Variants in RBFOX1 observed in about 807,000 individuals in gnomAD.
The protein encoded by RBFOX1 is RNA binding fox-1 homolog 1.
A neutral mutation model predicts 57.7 loss-of-function variants in RBFOX1; 8 were observed. That is an observed-to-expected ratio of 0.14 (90% CI 0.08 to 0.25). The LOEUF (loss-of-function observed/expected upper bound fraction) is 0.25. Ranked by LOEUF, RBFOX1 falls within the 10% of genes least tolerant of loss-of-function variation. The pLI is 1.00. For missense variants in RBFOX1, 611 were observed against 548.5 expected (o/e 1.11, Z -1.14); for synonymous variants, 326 against 222.4 (o/e 1.47, Z -4.15).
intron 2 of RBFOX1, among the ~76,000 whole-genome samples, chr16:6,469,688 T>C (rs548200488): frequency 4.6e-5 from 7 of 152,280 alleles, no homozygotes; most frequent in African/African-American, 1.7e-4. Context: ...TACCTCCTCA[T>C]GTTTTAGTTG....
At chr16:7,647,519 ATGTGAGTTAACT>A (rs1445202682) in intron 11 of RBFOX1, among the ~76,000 whole-genome samples, 1 of 150,572 alleles carries the variant, frequency 6.6e-6, no homozygotes, top group East Asian at 1.9e-4. Context: ...GTCTGCTTAC[ATGTGAGTTAACT>A]TGAAATTGAA....
chr16:7,455,073 C>A (rs189201817), intron 4 of RBFOX1, among the ~76,000 whole-genome samples: 14 of 152,312 alleles, frequency 9.2e-5, no homozygotes, highest in East Asian at 3.9e-4. Flanking sequence ...CTAGGCACAA[C>A]GGATTCGATA....
chr16:7,397,784 C>T (rs1194758028), intron 4 of RBFOX1, among the ~76,000 whole-genome samples: 1 of 152,056 alleles, frequency 6.6e-6, no homozygotes, highest in East Asian at 1.9e-4. Flanking sequence ...GTGGTATGAA[C>T]ACAGGTGTTA....
At chr16:6,026,122 G>A (rs1222798604) in intron 1 of RBFOX1, among the ~76,000 whole-genome samples, 1 of 152,126 alleles carries the variant, frequency 6.6e-6, no homozygotes, top group East Asian at 1.9e-4. Context: ...TGCCTGTGTC[G>A]ATTCTCGTTT....
intron 1 of RBFOX1, chr16:6,056,918 C>A (rs971107594): frequency 6.7e-6 from 1 of 149,404 alleles, no homozygotes; most frequent in African/African-American, 2.5e-5. Context: ...AGATTAATAA[C>A]CAAAGTCCTG....
intron 4 of RBFOX1, among the ~76,000 whole-genome samples, chr16:7,459,222 A>G (rs1249893232): frequency 1.3e-5 from 2 of 152,216 alleles, no homozygotes; most frequent in Non-Finnish European, 2.9e-5. Context: ...GGGTTTTAAC[A>G]TCAGTAGTAA....
intron 3 of RBFOX1, among the ~76,000 whole-genome samples, chr16:6,859,111 G>GTGTGTATATA (rs1383584385): frequency 7.7e-5 from 5 of 65,088 alleles, no homozygotes; most frequent in Non-Finnish European, 1.4e-4. Context: ...TAAAAAAAGT[G>GTGTGTATATA]TATATATATA....
chr16:6,932,856 C>T (rs1284829534), intron 3 of RBFOX1, among the ~76,000 whole-genome samples: 2 of 152,202 alleles, frequency 1.3e-5, no homozygotes, highest in Non-Finnish European at 2.9e-5. Flanking sequence ...CATTATTCAT[C>T]TTGTAAAACT....
chr16:6,353,806 C>A (rs889981135), intron 2 of RBFOX1, among the ~76,000 whole-genome samples: 1 of 152,156 alleles, frequency 6.6e-6, no homozygotes, highest in Admixed American at 6.5e-5. Flanking sequence ...ATTGGAGTGC[C>A]CCTGTCTCTT....
intron 1 of RBFOX1, among the ~76,000 whole-genome samples, chr16:6,190,773 A>G (rs934342376): frequency 6.6e-6 from 1 of 152,176 alleles, no homozygotes; most frequent in Non-Finnish European, 1.5e-5. Context: ...GGTGCTCAGA[A>G]TATCATGGCT....
rs545100248 is a variant in RBFOX1 at position 5,248,515 on chromosome 16, C to G, written c.219+8410C>G. On this transcript the variant is annotated intron_variant, in intron 1 of 2. Coordinates refer to the RBFOX1 transcript ENST00000585867. ...CCCACAGCCTAGCACAGGGTTCCTGCCTTAGCTTCTCTAAGGCTCCCTCTG... is the reference window on the plus strand; with the variant it reads ...CCCACAGCCTAGCACAGGGTTCCTGGCTTAGCTTCTCTAAGGCTCCCTCTG... 6.6e-5 allele frequency among the ~76,000 whole-genome samples: 10 copies of G among 152,332 alleles called. No homozygotes were observed. In the East Asian group the frequency reaches 1.9e-3, roughly 29 times the overall value.
intron 4 of RBFOX1, among the ~76,000 whole-genome samples, chr16:7,098,396 C>G (rs1216127457): frequency 2.0e-5 from 3 of 152,186 alleles, no homozygotes; most frequent in Non-Finnish European, 4.4e-5. Context: ...CCTCAAACTC[C>G]TGACCTCAAG....
At chr16:6,726,477 T>C (rs1278047572) in intron 3 of RBFOX1, among the ~76,000 whole-genome samples, 2 of 151,916 alleles carry the variant, frequency 1.3e-5, no homozygotes, top group African/African-American at 4.8e-5. Context: ...CGTTCCCAAG[T>C]AGGTGAAGGT....
chr16:6,692,884 TCAC>T (rs1443536725), intron 3 of RBFOX1, among the ~76,000 whole-genome samples: 2 of 148,430 alleles, frequency 1.3e-5, no homozygotes, highest in East Asian at 4.1e-4. Flanking sequence ...TCCATTACTA[TCAC>T]CACCATCATT....
In RBFOX1 at chr16:7,416,279, C is replaced by T. The variant is rs147170485; in HGVS notation, c.28-101868C>T. On this transcript the variant is annotated intron_variant, in intron 4 of 15. Coordinates refer to ENST00000550418, the MANE Select transcript of RBFOX1 (RefSeq NM_018723.4). ...CTCCCTTTCTGTGTCTCTCAGACTA[C>T]TCTGTGCCCGGAATCCAGAGACTCT... Among the ~76,000 whole-genome samples the T allele has an allele frequency of 1.9e-4, 29 of 152,330 alleles. No homozygotes were observed. In the East Asian group the frequency reaches 4.6e-3, roughly 24 times the overall value.
At chr16:5,619,205 G>T (rs772245816) in intron 3 of RBFOX1, among the ~76,000 whole-genome samples, 1 of 152,150 alleles carries the variant, frequency 6.6e-6, no homozygotes, top group Non-Finnish European at 1.5e-5. Flanking sequence ...AACAGTGTTG[G>T]CCCCACTCTC....
chr16:5,860,041 G>C (rs183064672), intron 3 of RBFOX1, among the ~76,000 whole-genome samples: 353 of 152,214 alleles, frequency 2.3e-3, no homozygotes, highest in African/African-American at 8.2e-3. Context: ...TTTCAGCTGT[G>C]GGTGCCCAGA....
intron 2 of RBFOX1, among the ~76,000 whole-genome samples, chr16:6,415,305 A>G (rs2093593323): frequency 6.6e-6 from 1 of 151,430 alleles, no homozygotes; most frequent in Admixed American, 6.6e-5. Context: ...GTAACAGGGT[A>G]CTAGTGTTAC....
intron 1 of RBFOX1, among the ~76,000 whole-genome samples, chr16:6,217,371 G>A (rs1260165206): frequency 6.6e-6 from 1 of 152,098 alleles, no homozygotes; most frequent in Admixed American, 6.5e-5. Flanking sequence ...CTGAAAAAAA[G>A]GGGAGGATGT....
Sources: gnomAD v4.1 joint callset for allele counts (sites outside exome capture counted in the v4.1 genomes callset) on GRCh38, gnomAD v4.1.1 for gene constraint, MANE v1.5 for transcripts, NCBI Gene and HGNC (gene_info 2026-07-23, HGNC 2026-07-21) for gene names.